The following UBE3D variants were observed in gnomAD, a reference collection of about 807,000 sequenced individuals.
UBE3D encodes the protein ubiquitin protein ligase E3D.
Under a neutral mutation model 49.6 loss-of-function variants are expected in UBE3D, and 48 were observed. That is an observed-to-expected ratio of 0.97 (90% confidence interval 0.77 to 1.23). The LOEUF (loss-of-function observed/expected upper bound fraction) is 1.23. Among genes scored for constraint, UBE3D ranks in the 50% most tolerant of loss-of-function variants. UBE3D has a pLI of 0.00. For missense variants in UBE3D, 452 were observed against 468.4 expected (o/e 0.96, Z 0.32); for synonymous variants, 189 against 174.2 (o/e 1.08, Z -0.67).
At chr6:83,058,440 T>G (rs770546422) in intron 1 of UBE3D, among the ~76,000 whole-genome samples, 1 of 152,210 alleles carries the variant, frequency 6.6e-6, no homozygotes. Context: ...CAGTGATGTA[T>G]GAATATCAGG....
intron 2 of UBE3D, 125 bp from the exon 3 acceptor site, chr6:83,054,363 CATTT>C: frequency 1.5e-6 from 1 of 676,308 alleles, no homozygotes; most frequent in Middle Eastern, 4.0e-4. Context: ...CAGAAGTACA[CATTT>C]AATTAATACT....
In UBE3D at chr6:83,024,874, G is replaced by A. The variant is rs1781348987; in HGVS notation, c.668-836C>T. ...TTCAGGTAGCATCGTTTTTCGTTGA[G>A]GGCATCTGTCCTCTCCTTCATTCAA... On this transcript the variant is annotated intron_variant, in intron 5 of 9. Transcript: ENST00000369747. Among the ~76,000 whole-genome samples, 3 of 152,120 alleles carry A rather than the reference G, an allele frequency of 2.0e-5. No homozygotes were observed. The South Asian group carries it at 6.2e-4, about 31-fold the overall frequency.
intron 5 of UBE3D, chr6:83,036,312 C>T (rs1204574746): frequency 1.3e-5 from 2 of 152,102 alleles, no homozygotes; most frequent in Non-Finnish European, 2.9e-5. Flanking sequence ...GCGTGAGCCT[C>T]CGTGCCCGGC....
At chr6:82,936,713 C>T (rs1376368000) in intron 9 of UBE3D, among the ~76,000 whole-genome samples, 1 of 152,154 alleles carries the variant, frequency 6.6e-6, no homozygotes, top group Non-Finnish European at 1.5e-5. Flanking sequence ...AATTGAAGCC[C>T]CTTCCCTGCT....
chr6:83,047,797 A>C (rs1357330479), intron 3 of UBE3D, among the ~76,000 whole-genome samples: 1 of 152,118 alleles, frequency 6.6e-6, no homozygotes, highest in African/African-American at 2.4e-5. Flanking sequence ...AATAATCTGC[A>C]TTAAGCCGGG....
intron 8 of UBE3D, among the ~76,000 whole-genome samples, chr6:82,963,192 T>G (rs1776676131): frequency 7.0e-6 from 1 of 143,016 alleles, no homozygotes; most frequent in African/African-American, 2.5e-5. Flanking sequence ...GTTTTCATCT[T>G]TTTTTTTTTT....
At chr6:82,967,233 C>T (rs892628029) in intron 8 of UBE3D, among the ~76,000 whole-genome samples, 7 of 152,190 alleles carry the variant, frequency 4.6e-5, no homozygotes, top group African/African-American at 1.4e-4. Context: ...CCTGCTTCCC[C>T]TAATGGTAAC....
chr6:83,040,673 T>C (rs781482469), intron 4 of UBE3D, among the ~76,000 whole-genome samples: 3 of 152,224 alleles, frequency 2.0e-5, no homozygotes, highest in Admixed American at 6.5e-5. Flanking sequence ...TCCTCAAAAG[T>C]CTCTGCTGAG....
intron 4 of UBE3D, among the ~76,000 whole-genome samples, chr6:83,041,164 A>C (rs1782645615): frequency 6.6e-6 from 1 of 152,228 alleles, no homozygotes; most frequent in Non-Finnish European, 1.5e-5. Context: ...GAAAAGAAAG[A>C]ATTTTTCTAT....
intron 8 of UBE3D, among the ~76,000 whole-genome samples, chr6:82,963,711 C>G (rs539507468): frequency 6.6e-6 from 1 of 152,258 alleles, no homozygotes; most frequent in Non-Finnish European, 1.5e-5. Context: ...CCTTTCCCAG[C>G]CTTCTGACTC....
chr6:83,034,664 C>G (rs1406138294), intron 5 of UBE3D, among the ~76,000 whole-genome samples: 1 of 152,168 alleles, frequency 6.6e-6, no homozygotes, highest in Non-Finnish European at 1.5e-5. Flanking sequence ...CCTGCTCTCT[C>G]TCTCCTGCCC....
Position 83,019,130 on chromosome 6 carries a change from G to A in UBE3D, c.853C>T (p.Leu285Phe). Residue 285 changes from leucine (L) to phenylalanine (F), a missense_variant, in exon 8 of 10, where the codon CTT becomes TTT. Coordinates refer to ENST00000369747, the MANE Select transcript of UBE3D (RefSeq NM_198920.3). ...QDDKVYILLW[L>F]LNSDSLVIES... ...ATCACCAAACTGTCTGAATTTAAAA[G>A]CCATAGCTAAAGATGTGAAGAGAAA... is the stretch of plus-strand genomic sequence containing the variant. 7 of 1,612,304 alleles carry A rather than the reference G, an allele frequency of 4.3e-6. No individual in the cohort carries two copies. The highest frequency in any genetic ancestry group is 5.9e-6 in the Non-Finnish European group (7 of 1,179,312).
At chr6:82,884,932 C>T in the UBE3D span, among the ~76,000 whole-genome samples, 1 of 152,110 alleles carries the variant, frequency 6.6e-6, no homozygotes, top group African/African-American at 2.4e-5. Context: ...CTGTCAGATG[C>T]GTGGTCAGAA....
chr6:83,025,862 G>A (rs1352810695), intron 5 of UBE3D, among the ~76,000 whole-genome samples: 14 of 136,994 alleles, frequency 1.0e-4, no homozygotes, highest in Admixed American at 7.2e-4. Context: ...CAGCCTGGGC[G>A]ACAGAACGTG....
intron 9 of UBE3D, among the ~76,000 whole-genome samples, chr6:82,894,908 G>A (rs907244805): frequency 2.6e-5 from 4 of 152,162 alleles, no homozygotes; most frequent in African/African-American, 9.7e-5. Context: ...GAAGACGATG[G>A]AAGAAAACCA....
chr6:82,972,174 C>T (rs1777401694), intron 8 of UBE3D, among the ~76,000 whole-genome samples: 1 of 152,220 alleles, frequency 6.6e-6, no homozygotes, highest in Non-Finnish European at 1.5e-5. Flanking sequence ...CCATCATCTT[C>T]AGTATCCTTG....
At chr6:82,985,396 T>C (rs1778407757) in intron 8 of UBE3D, among the ~76,000 whole-genome samples, 1 of 152,076 alleles carries the variant, frequency 6.6e-6, no homozygotes, top group Admixed American at 6.6e-5. Context: ...GGAATCTCTT[T>C]CTGTTGCCCA....
chr6:82,981,716 T>C (rs1201961049), intron 8 of UBE3D, among the ~76,000 whole-genome samples: 3 of 152,094 alleles, frequency 2.0e-5, no homozygotes, highest in African/African-American at 7.2e-5. Flanking sequence ...ATTCTTCTAG[T>C]TCTAAAGAAT....
downstream of UBE3D, among the ~76,000 whole-genome samples, chr6:82,887,396 T>A (rs1490199488): frequency 6.9e-6 from 1 of 145,784 alleles, no homozygotes; most frequent in Non-Finnish European, 1.5e-5. Context: ...ACAGTTTTTT[T>A]TTTTTTTTTT....
Sources: gnomAD v4.1 joint callset for allele counts (sites outside exome capture counted in the v4.1 genomes callset) on GRCh38, gnomAD v4.1.1 for gene constraint, MANE v1.5 for transcripts, NCBI Gene and HGNC (gene_info 2026-07-23, HGNC 2026-07-21) for gene names.